PCDH15: variants seen among roughly 807,000 people sequenced by gnomAD.
PCDH15 encodes protocadherin-15.
A neutral mutation model predicts 178.5 loss-of-function variants in PCDH15; 129 were observed. That is an observed-to-expected ratio of 0.72 (90% CI 0.63 to 0.84). PCDH15 has a LOEUF of 0.84. Among genes scored for constraint, PCDH15 ranks in the 40% least tolerant of loss-of-function variants. The pLI, the probability that PCDH15 is intolerant of heterozygous loss-of-function variation, is 0.00. For missense variants in PCDH15, 2,230 were observed against 2,099.9 expected, an observed-to-expected ratio of 1.06 and a Z score of -1.21; for synonymous variants, 800 against 732.0, an observed-to-expected ratio of 1.09 and a Z score of -1.50.
At chr10:54,943,248 C>T (rs999382787) in intron 2 of PCDH15, among the ~76,000 whole-genome samples, 13 of 151,894 alleles carry the variant, frequency 8.6e-5, no homozygotes, top group African/African-American at 3.1e-4. Context: ...ACTCATATTC[C>T]TTGTCTCTTG....
At chr10:54,718,017 A>T (rs1332995516) in intron 1 of PCDH15, among the ~76,000 whole-genome samples, 1 of 148,770 alleles carries the variant, frequency 6.7e-6, no homozygotes, top group Non-Finnish European at 1.5e-5. Context: ...AAGGACAAAA[A>T]ACCAAACACC....
intron 1 of PCDH15, among the ~76,000 whole-genome samples, chr10:54,797,954 T>A (rs539441685): frequency 6.6e-6 from 1 of 152,118 alleles, no homozygotes; most frequent in Non-Finnish European, 1.5e-5. Flanking sequence ...CTAGTCGCTC[T>A]CACATTCAAA....
Position 54,079,416 on chromosome 10 carries a change from A to T in PCDH15, c.2006T>A (p.Ile669Asn). Residue 669 changes from isoleucine (I) to asparagine (N), a missense_variant, in exon 17 of 38, where the codon ATT becomes AAT. Ile to Asn is a moderately radical substitution (Grantham distance 149). Transcript: ENST00000644397. ...GTCCAGTGCTTTCCCTAAGGTTAGA[A>T]TCCCCGTGCTAGTGACAAAACAAAC... Reference protein sequence around the residue: ...RVFNLSETTGILTLGKALDRE... With the variant: ...RVFNLSETTGNLTLGKALDRE... 4 of 1,614,012 alleles carry T rather than the reference A, an allele frequency of 2.5e-6. No homozygotes were observed. Among genetic ancestry groups the T allele is most frequent in the Non-Finnish European group, 3.4e-6 (4 of 1,179,888 alleles).
At chr10:55,256,347 C>A (rs940210197) in intron 1 of PCDH15, among the ~76,000 whole-genome samples, 5 of 152,164 alleles carry the variant, frequency 3.3e-5, no homozygotes, top group Non-Finnish European at 7.3e-5. Context: ...GTACCGGGTT[C>A]ATCTCACTGG....
At chr10:54,689,901 G>A (rs1333330052) in intron 1 of PCDH15, among the ~76,000 whole-genome samples, 1 of 152,134 alleles carries the variant, frequency 6.6e-6, no homozygotes, top group Non-Finnish European at 1.5e-5. Context: ...CACAGAATGG[G>A]TGGTATTGGG....
At chr10:55,355,084 T>A (rs1378127316) in intron 2 of PCDH15, among the ~76,000 whole-genome samples, 3 of 152,066 alleles carry the variant, frequency 2.0e-5, no homozygotes, top group Non-Finnish European at 4.4e-5. Flanking sequence ...TTATAAATAG[T>A]CCATTCATTT....
intron 1 of PCDH15, among the ~76,000 whole-genome samples, chr10:54,778,135 TTC>T (rs1169364613): frequency 6.6e-6 from 1 of 152,230 alleles, no homozygotes; most frequent in Non-Finnish European, 1.5e-5. Flanking sequence ...TGCACTCATC[TTC>T]TGATGCTAGA....
rs1945334006 is a variant in PCDH15, at chr10:54,358,060, CCCTAGAAGAAAA to C, written c.474+11048_474+11059del. Among the ~76,000 whole-genome samples the C allele has an allele frequency of 2.6e-5, 4 of 151,278 alleles. No individual in the cohort carries two copies. In the South Asian group the frequency reaches 8.3e-4, roughly 32 times the overall value. ...ACATTAGACCTTAAACGATAAAAAA[CCCTAGAAGAAAA>C]CCTAGGCATTACCATTCAGGACATA... is the stretch of plus-strand genomic sequence containing the variant. On this transcript the variant is annotated intron_variant, in intron 5 of 37. Transcript: ENST00000644397.
intron 26 of PCDH15, among the ~76,000 whole-genome samples, chr10:53,887,815 G>A (rs2133418343): frequency 6.6e-6 from 1 of 152,216 alleles, no homozygotes; most frequent in African/African-American, 2.4e-5. Context: ...CGTGAACCCG[G>A]GAGGCGTAGC....
chr10:55,222,730 C>CACATATATATATATATATATATAT, intron 1 of PCDH15, among the ~76,000 whole-genome samples: 5 of 121,274 alleles, frequency 4.1e-5, no homozygotes, highest in East Asian at 2.4e-4. Flanking sequence ...CACACACACA[C>CACATATATATATATATATATATAT]ATATATATAT....
intron 3 of PCDH15, among the ~76,000 whole-genome samples, chr10:54,478,759 G>A (rs374333889): frequency 2.0e-5 from 3 of 151,800 alleles, no homozygotes; most frequent in South Asian, 2.1e-4. Context: ...CCTTTTTCGC[G>A]TATGTCTTCA....
At chr10:54,733,753 C>T (rs1943709115) in intron 1 of PCDH15, among the ~76,000 whole-genome samples, 1 of 151,404 alleles carries the variant, frequency 6.6e-6, no homozygotes, top group South Asian at 2.1e-4. Context: ...GGTAGATACA[C>T]ATATGAAAGG....
At chr10:54,133,053 C>A in intron 14 of PCDH15, 46 bp from the exon 15 acceptor site, 1 of 1,612,700 alleles carries the variant, frequency 6.2e-7, no homozygotes, top group Non-Finnish European at 8.5e-7. Context: ...ATCTGCATCA[C>A]ATTTAATGTT....
At chr10:55,542,468 A>C (rs915647515) in intron 2 of PCDH15, among the ~76,000 whole-genome samples, 4 of 150,972 alleles carry the variant, frequency 2.6e-5, no homozygotes, top group Admixed American at 2.0e-4. Flanking sequence ...TACGTATTTT[A>C]ATATGCTTAA....
chr10:55,241,399 T>A (rs1366767522), intron 1 of PCDH15, among the ~76,000 whole-genome samples: 1 of 152,142 alleles, frequency 6.6e-6, no homozygotes, highest in Non-Finnish European at 1.5e-5. Flanking sequence ...TAGATTTCCC[T>A]CTCATTTTGA....
intron 2 of PCDH15, among the ~76,000 whole-genome samples, chr10:54,929,468 T>A (rs1837713505): frequency 6.6e-6 from 1 of 152,176 alleles, no homozygotes; most frequent in African/African-American, 2.4e-5. Flanking sequence ...TGGAGAGATT[T>A]TGGTATAGAC....
chr10:55,100,835 C>A (rs1252158908), intron 2 of PCDH15, among the ~76,000 whole-genome samples: 1 of 152,018 alleles, frequency 6.6e-6, no homozygotes, highest in African/African-American at 2.4e-5. Flanking sequence ...AATATCTAAA[C>A]CTTAGCATTA....
At chr10:54,948,829 T>C (rs951296370) in intron 2 of PCDH15, among the ~76,000 whole-genome samples, 41 of 151,932 alleles carry the variant, frequency 2.7e-4, no homozygotes, top group Admixed American at 3.9e-4. Context: ...GTCAATATCA[T>C]CCAGAAACAC....
At chr10:54,351,050 G>A (rs1944090577) in intron 5 of PCDH15, among the ~76,000 whole-genome samples, 1 of 151,986 alleles carries the variant, frequency 6.6e-6, no homozygotes, top group South Asian at 2.1e-4. Flanking sequence ...GTTGCAGTGA[G>A]CTGAGATCGT....
Sources: allele counts gnomAD v4.1 joint callset (sites outside exome capture counted in the v4.1 genomes callset), GRCh38; gene constraint gnomAD v4.1.1; transcripts MANE v1.5; gene names NCBI Gene and HGNC (gene_info 2026-07-23, HGNC 2026-07-21).